PSMC4: variants seen among roughly 807,000 people sequenced by gnomAD.
The protein encoded by PSMC4 is 26S proteasome regulatory subunit 6B.
A neutral mutation model predicts 48.4 loss-of-function variants in PSMC4; 13 were observed. That is an observed-to-expected ratio of 0.27 (90% confidence interval 0.18 to 0.43). The LOEUF is 0.43. PSMC4 is among the 20% of genes least tolerant of loss of function. PSMC4 has a pLI of 1.00. For synonymous variants in PSMC4, 202 were observed against 212.3 expected (o/e 0.95, Z 0.42); for missense variants, 262 against 555.9 (o/e 0.47, Z 5.32).
At chr19:39,975,734 G>A (rs2144614626) in intron 6 of PSMC4, among the ~76,000 whole-genome samples, 1 of 152,220 alleles carries the variant, frequency 6.6e-6, no homozygotes, top group South Asian at 2.1e-4. Flanking sequence ...TTGATACAAA[G>A]CATCTGGAAT....
intron 6 of PSMC4, among the ~76,000 whole-genome samples, chr19:39,976,560 G>A (rs1203754288): frequency 2.0e-5 from 3 of 147,570 alleles, no homozygotes; most frequent in African/African-American, 7.6e-5. Context: ...CCAGGCTGGA[G>A]TGCAGTGGTG....
chr19:39,976,369 T>G (rs1208225532), intron 6 of PSMC4, among the ~76,000 whole-genome samples: 2 of 131,414 alleles, frequency 1.5e-5, no homozygotes, highest in East Asian at 2.3e-4. Flanking sequence ...GCCACTGCAC[T>G]TCAGCCTGGG....
chr19:39,974,516 C>G lies in PSMC4; in HGVS notation c.470-8C>G. ...TGGCCAGGAGCCCCAGCTCTGCTCT[C>G]CCACCAGACCAGAAGCCAGATGTGA... is the stretch of plus-strand genomic sequence containing the variant. On this transcript the variant is annotated splice_polypyrimidine_tract_variant and splice_region_variant and intron_variant, in intron 4 of 10. Coordinates refer to ENST00000157812, the MANE Select transcript of PSMC4 (RefSeq NM_006503.4). This position sits in a 1 kb window ranked among gnomAD's most constrained non-coding sequence, Gnocchi z 5.5. 2.5e-6 allele frequency: 4 copies of G among 1,613,876 alleles called. No homozygotes were observed. The highest frequency in any genetic ancestry group is 3.4e-6 in the Non-Finnish European group (4 of 1,179,818).
rs1314952045 is a variant in PSMC4, at chr19:39,972,174, G to A, written c.65G>A (p.Arg22Gln). 3 of 1,614,060 alleles carry A rather than the reference G, an allele frequency of 1.9e-6. No homozygotes were observed. The highest frequency in any genetic ancestry group is 2.5e-6 in the Non-Finnish European group (3 of 1,179,994). The change falls in exon 2 of 11, where the codon CGG becomes CAG. Residue 22 changes from arginine to glutamine, a missense_variant. This residue lies in a region of PSMC4 where 33 missense variants were observed against 35.5 expected (regional missense o/e 0.93). Coordinates refer to ENST00000157812, the MANE Select transcript of PSMC4 (RefSeq NM_006503.4). ...GAGATCCCAGCACTGTCCGTGTCCC[G>A]GCCCCAGACCGGCCTGTCCTTCCTG... ...QDEIPALSVS[R>Q]PQTGLSFLGP...
rs77516351 is a variant in PSMC4 at position 39,979,563 on chromosome 19, A to G, written c.674-254A>G. On this transcript the variant is annotated intron_variant, in intron 6 of 10. Transcript: ENST00000157812. ...GCGACAGAGCAAGACTCTGTCTCCA[A>G]AAAAAAAAAAAAAGTGACACATTTG... 9 of 204,122 alleles carry G rather than the reference A, an allele frequency of 4.4e-5. No homozygotes were observed. In the Middle Eastern group the frequency reaches 4.7e-3, roughly 106 times the overall value. The allele number at this position is 204,122 out of a possible 1,614,324, so 12.6% of individuals were successfully genotyped here. A position where few individuals can be genotyped will look rare whatever the true frequency, so the allele number is the denominator to read the frequency against.
Position 39,974,246 on chromosome 19 carries a change from G to A in PSMC4, c.323-48G>A, listed in dbSNP as rs1971156031. On this transcript the variant is annotated intron_variant, in intron 3 of 10. Transcript: ENST00000157812. This position sits in a 1 kb window ranked among gnomAD's most constrained non-coding sequence, Gnocchi z 5.5. The stretch of plus-strand genomic sequence containing the variant: ...ATTAGGAGGGAGGAAGGGGGAAGGG[G>A]CAGTTTCCAGGCTGACACTTCTCGT... 2 of 1,604,050 alleles carry A rather than the reference G, an allele frequency of 1.2e-6. No homozygotes were observed. The highest frequency in any genetic ancestry group is 1.7e-6 in the Non-Finnish European group (2 of 1,173,794).
At chr19:39,979,381 T>C (rs1971254370) in intron 6 of PSMC4, 1 of 152,482 alleles carries the variant, frequency 6.6e-6, no homozygotes, top group African/African-American at 2.4e-5. Context: ...GCCAACATGG[T>C]GAAACCTCGT....
intron 6 of PSMC4, among the ~76,000 whole-genome samples, chr19:39,977,832 A>AG (rs1568376260): frequency 6.6e-6 from 1 of 151,928 alleles, no homozygotes; most frequent in Non-Finnish European, 1.5e-5. Flanking sequence ...CAAAAAAAAA[A>AG]AGAGAGATAG....
At position 39,974,278 on chromosome 19, in the gene PSMC4, C is replaced by G. The variant is rs370838898; in HGVS notation, c.323-16C>G. The G allele has an allele frequency of 1.9e-5, 31 of 1,613,208 alleles. No individual in the cohort carries two copies. In the African/African-American group the frequency reaches 4.0e-4, roughly 21 times the overall value. On this transcript the variant is annotated splice_polypyrimidine_tract_variant and intron_variant, in intron 3 of 10. Coordinates refer to ENST00000157812, the MANE Select transcript of PSMC4 (RefSeq NM_006503.4). This position sits in a 1 kb window ranked among gnomAD's most constrained non-coding sequence, Gnocchi z 5.5. Reference sequence around the variant, plus strand: ...CCAGGCTGACACTTCTCGTTTTCCTCTCTCCCTTCTCGCAGGCTCCAACTA... The same window carrying G: ...CCAGGCTGACACTTCTCGTTTTCCTGTCTCCCTTCTCGCAGGCTCCAACTA...
chr19:39,974,948 G>A lies in PSMC4; in HGVS notation c.673+120G>A. 2.1e-6 allele frequency: 2 copies of A among 957,224 alleles called. No homozygotes were observed. Among genetic ancestry groups the A allele is most frequent in the African/African-American group, 1.6e-5 (1 of 61,354 alleles). 59.3% of individuals were successfully genotyped at this position (957,224 alleles called of 1,614,324 possible). A position where few individuals can be genotyped will look rare whatever the true frequency, so the allele number is the denominator to read the frequency against. The stretch of plus-strand genomic sequence containing the variant: ...GACTCTGGGGTCATAGCCCACGTGT[G>A]CATGTTACTGGCTGTGCTGACTTCA... On this transcript the variant is annotated intron_variant, in intron 6 of 10. Transcript: ENST00000157812. This position sits in a 1 kb window ranked among gnomAD's most constrained non-coding sequence, Gnocchi z 5.5.
At position 39,974,347 on chromosome 19, in the gene PSMC4, C is replaced by T. The variant is rs1971158160; in HGVS notation, c.376C>T (p.Pro126Ser). The change falls in exon 4 of 11, where the codon CCC becomes TCC. Residue 126 changes from proline (P) to serine (S), a missense_variant. Pro to Ser is a moderately conservative substitution (Grantham distance 74, BLOSUM62 -1). Transcript: ENST00000157812. This position sits in a 1 kb window ranked among gnomAD's most constrained non-coding sequence, Gnocchi z 5.5. The stretch of plus-strand genomic sequence containing the variant: ...CACCATCGATCGGGAGCTGCTCAAG[C>T]CCAACGCCTCAGTGGCCCTCCACAA... ...LSTIDRELLK[P>S]NASVALHKHS... 1 of 1,614,038 alleles carries T rather than the reference C, an allele frequency of 6.2e-7. No individual in the cohort carries two copies. The highest frequency in any genetic ancestry group is 8.5e-7 in the Non-Finnish European group (1 of 1,180,048).
At chr19:39,971,745 G>C (rs1471928144) in intron 1 of PSMC4, among the ~76,000 whole-genome samples, 1 of 152,126 alleles carries the variant, frequency 6.6e-6, no homozygotes, top group Non-Finnish European at 1.5e-5. Context: ...GGGGAAACTG[G>C]GGAATGTTGG....
At position 39,972,352 on chromosome 19, in the gene PSMC4, C is replaced by T. The variant is rs750338902; in HGVS notation, c.136-17C>T. 1.2e-6 allele frequency: 2 copies of T among 1,613,080 alleles called. No individual in the cohort carries two copies. Among genetic ancestry groups the T allele is most frequent in the East Asian group, 2.2e-5 (1 of 44,858 alleles). On this transcript the variant is annotated splice_polypyrimidine_tract_variant and intron_variant, in intron 2 of 10. Coordinates refer to ENST00000157812, the MANE Select transcript of PSMC4 (RefSeq NM_006503.4). ...CAAGTCTGGAGCCATCCCCTTCTGT[C>T]CCCTCTCTGCTCGCAGAAGCTGCAG... is the stretch of plus-strand genomic sequence containing the variant.
At chr19:39,977,160 T>G (rs1397729379) in intron 6 of PSMC4, among the ~76,000 whole-genome samples, 1 of 152,108 alleles carries the variant, frequency 6.6e-6, no homozygotes. Flanking sequence ...GCTGTGATTT[T>G]TTTTTTTAAG....
rs1482021982 is a variant in PSMC4 at position 39,981,312 on chromosome 19, C to G, written c.*7C>G. On this transcript the variant is annotated 3_prime_UTR_variant, in exon 11 of 11. Coordinates refer to ENST00000157812, the MANE Select transcript of PSMC4 (RefSeq NM_006503.4). ...GCATGAGTTTTACAAGTGACCCTTC[C>G]CTTCCCTCCACCACACCACTCAGGG... 6.2e-7 allele frequency: 1 copy of G among 1,603,748 alleles called. No homozygotes were observed. Among genetic ancestry groups the G allele is most frequent in the Non-Finnish European group, 8.5e-7 (1 of 1,170,764 alleles).
At chr19:39,972,620 G>A (rs1971120256) in intron 3 of PSMC4, 65 bp downstream of exon 3, 5 of 1,478,848 alleles carry the variant, frequency 3.4e-6, no homozygotes, top group Admixed American at 2.1e-5. Flanking sequence ...CATGTGCTAG[G>A]CAGCAGCAAA....
rs773057392 is a variant in PSMC4 at position 39,974,289 on chromosome 19, C to T, written c.323-5C>T. ...CTTCTCGTTTTCCTCTCTCCCTTCT[C>T]GCAGGCTCCAACTATTATGTGCGCA... On this transcript the variant is annotated splice_polypyrimidine_tract_variant and splice_region_variant and intron_variant, in intron 3 of 10. Transcript: ENST00000157812. The surrounding 1 kb of genome is among the most constrained non-coding windows in gnomAD (Gnocchi z 5.5). 16 of 1,613,936 alleles carry T rather than the reference C, an allele frequency of 9.9e-6. No individual in the cohort carries two copies. Among genetic ancestry groups the T allele is most frequent in the Middle Eastern group, 3.3e-4 (2 of 6,060 alleles).
intron 6 of PSMC4, among the ~76,000 whole-genome samples, chr19:39,977,860 C>G (rs1971228984): frequency 2.0e-5 from 3 of 152,216 alleles, no homozygotes; most frequent in East Asian, 3.9e-4. Context: ...TTCTGTCACC[C>G]AGGCTGGAGT....
At chr19:39,973,891 G>A (rs1971148129) in intron 3 of PSMC4, among the ~76,000 whole-genome samples, 1 of 152,180 alleles carries the variant, frequency 6.6e-6, no homozygotes, top group Non-Finnish European at 1.5e-5. Context: ...TTGGGATAGT[G>A]TGGCTTTCCC....
Sources: allele counts gnomAD v4.1 joint callset (sites outside exome capture counted in the v4.1 genomes callset), GRCh38; gene constraint gnomAD v4.1.1; regional missense constraint gnomAD v4.1.1; non-coding constraint Gnocchi (gnomAD v3.1); transcripts MANE v1.5; gene names NCBI Gene and HGNC (gene_info 2026-07-23, HGNC 2026-07-21).